EPHA3: variants seen among roughly 807,000 people sequenced by gnomAD.
The protein encoded by EPHA3 is EPH receptor A3.
Under a neutral mutation model 107.1 loss-of-function variants are expected in EPHA3, and 42 were observed. The observed-to-expected ratio is 0.39, with a 90% CI of 0.31 to 0.51. The LOEUF (loss-of-function observed/expected upper bound fraction) is 0.51, where lower values mean the gene tolerates loss of function less well. Ranked by LOEUF, EPHA3 falls within the 20% of genes least tolerant of loss-of-function variation. The probability of loss-of-function intolerance (pLI) is 0.78; values close to 1 mark genes in which losing one functional copy is unlikely to be tolerated. For missense variants in EPHA3, 1,183 were observed against 1,211.2 expected (o/e 0.98, Z 0.35); for synonymous variants, 461 against 424.8 (o/e 1.09, Z -1.05).
chr3:89,417,220 G>A (rs1424727876), intron 10 of EPHA3, among the ~76,000 whole-genome samples: 4 of 151,404 alleles, frequency 2.6e-5, no homozygotes, highest in African/African-American at 9.7e-5. Context: ...GAAAAGATAG[G>A]TACAGAGAGG....
intron 3 of EPHA3, among the ~76,000 whole-genome samples, chr3:89,266,274 A>C (rs1235348738): frequency 6.6e-6 from 1 of 152,180 alleles, no homozygotes; most frequent in East Asian, 1.9e-4. Flanking sequence ...ACAGTTACTA[A>C]GTGAAACAGA....
At chr3:89,209,284 G>A (rs1179604349) in intron 2 of EPHA3, among the ~76,000 whole-genome samples, 3 of 152,126 alleles carry the variant, frequency 2.0e-5, no homozygotes, top group Non-Finnish European at 4.4e-5. Context: ...GCTGTGGGGT[G>A]AGGAACATTT....
At chr3:89,384,705 G>T (rs566744768) in intron 5 of EPHA3, among the ~76,000 whole-genome samples, 13 of 152,152 alleles carry the variant, frequency 8.5e-5, no homozygotes, top group Non-Finnish European at 1.0e-4. Context: ...TTGAATTTCA[G>T]TTGTCTCATG....
At chr3:89,211,221 T>C (rs1704072268) in intron 3 of EPHA3, among the ~76,000 whole-genome samples, 1 of 152,068 alleles carries the variant, frequency 6.6e-6, no homozygotes, top group South Asian at 2.1e-4. Context: ...TAGAACTCTT[T>C]AATCAAATTA....
intron 11 of EPHA3, among the ~76,000 whole-genome samples, chr3:89,426,095 T>C (rs756420457): frequency 6.6e-6 from 1 of 151,722 alleles, no homozygotes; most frequent in Non-Finnish European, 1.5e-5. Context: ...TTGAGTTTAG[T>C]ATGTATACCC....
intron 15 of EPHA3, among the ~76,000 whole-genome samples, chr3:89,453,960 C>T (rs1359063293): frequency 6.6e-6 from 1 of 152,146 alleles, no homozygotes; most frequent in African/African-American, 2.4e-5. Flanking sequence ...CTCCCTCTCT[C>T]TCTTCTGCAT....
intron 15 of EPHA3, among the ~76,000 whole-genome samples, chr3:89,469,836 A>C (rs12496782): frequency 0.051 from 7,730 of 152,252 alleles, 239 homozygotes; most frequent in Middle Eastern, 0.13. Flanking sequence ...GGATAAATGC[A>C]TGTCGATATA....
At chr3:89,122,254 A>G (rs527443843) in intron 1 of EPHA3, among the ~76,000 whole-genome samples, 4 of 152,332 alleles carry the variant, frequency 2.6e-5, no homozygotes, top group Admixed American at 1.3e-4. Flanking sequence ...AGAAACTGTC[A>G]TTACTCTTTA....
At chr3:89,117,361 C>T (rs2106952247) in intron 1 of EPHA3, among the ~76,000 whole-genome samples, 1 of 152,160 alleles carries the variant, frequency 6.6e-6, no homozygotes, top group Non-Finnish European at 1.5e-5. Context: ...AAGGGGAACA[C>T]AGAGCAGCTT....
chr3:89,265,264 G>A (rs1705509713), intron 3 of EPHA3, among the ~76,000 whole-genome samples: 1 of 152,214 alleles, frequency 6.6e-6, no homozygotes, highest in East Asian at 1.9e-4. Flanking sequence ...ATAGAGCATA[G>A]CATTTATTTA....
chr3:89,332,209 T>C (rs1314811867), intron 3 of EPHA3, among the ~76,000 whole-genome samples: 2 of 152,132 alleles, frequency 1.3e-5, no homozygotes, highest in African/African-American at 4.8e-5. Context: ...TCCTTGAAAG[T>C]GGACAGCCAA....
At chr3:89,152,470 G>C (rs1413042245) in intron 2 of EPHA3, among the ~76,000 whole-genome samples, 1 of 151,932 alleles carries the variant, frequency 6.6e-6, no homozygotes, top group Non-Finnish European at 1.5e-5. Context: ...TTACTCATCT[G>C]TTGTTATGAG....
intron 3 of EPHA3, among the ~76,000 whole-genome samples, chr3:89,252,609 A>G (rs1410057791): frequency 1.3e-5 from 2 of 152,102 alleles, no homozygotes; most frequent in East Asian, 1.9e-4. Context: ...GCATGCCTGT[A>G]GTCCCAGCTA....
chr3:89,468,215 G>A (rs1268044611), intron 15 of EPHA3, among the ~76,000 whole-genome samples: 1 of 151,272 alleles, frequency 6.6e-6, no homozygotes. Context: ...ATACTTTGCA[G>A]GGCTAGTTAT....
Position 89,300,654 on chromosome 3 carries a change from C to T in EPHA3, c.815-40262C>T, listed in dbSNP as rs77501718. Among the ~76,000 whole-genome samples the T allele has an allele frequency of 2.3e-3, 353 of 152,148 alleles. 12 individuals are homozygous for T. In the East Asian group the frequency reaches 0.063, roughly 27 times the overall value. ...TTACTCAGGTAATAAGCTTTGGAGCCAGATTTCAGCCTTTGATGTCTGACT... is the reference window on the plus strand; with the variant it reads ...TTACTCAGGTAATAAGCTTTGGAGCTAGATTTCAGCCTTTGATGTCTGACT... On this transcript the variant is annotated intron_variant, in intron 3 of 16. Transcript: ENST00000336596.
chr3:89,180,765 A>G (rs1358914073), intron 2 of EPHA3, among the ~76,000 whole-genome samples: 2 of 151,956 alleles, frequency 1.3e-5, no homozygotes, highest in African/African-American at 4.8e-5. Flanking sequence ...GTTTCCATGA[A>G]ACTCTGAGGT....
Position 89,107,704 on chromosome 3 carries a change from G to A in EPHA3, c.-45G>A, listed in dbSNP as rs1235770725. ...GCGCTCCCCCTCACATCAGTGGCAT[G>A]CTTCATGGAGATATGCTCCTCTCAC... On this transcript the variant is annotated 5_prime_UTR_variant, in exon 1 of 17. An upstream start codon of the reference 5' UTR is lost. Coordinates refer to ENST00000336596, the MANE Select transcript of EPHA3 (RefSeq NM_005233.6). The A allele has an allele frequency of 1.9e-6, 3 of 1,556,382 alleles. No homozygotes were observed. The highest frequency in any genetic ancestry group is 2.7e-6 in the Non-Finnish European group (3 of 1,128,246).
At chr3:89,207,008 T>G (rs553616769) in intron 2 of EPHA3, among the ~76,000 whole-genome samples, 1 of 152,280 alleles carries the variant, frequency 6.6e-6, no homozygotes, top group African/African-American at 2.4e-5. Flanking sequence ...TTTTAGATCC[T>G]GAACGATCAA....
chr3:89,355,170 T>G (rs1707918182), intron 5 of EPHA3, among the ~76,000 whole-genome samples: 1 of 151,130 alleles, frequency 6.6e-6, no homozygotes, highest in African/African-American at 2.4e-5. Flanking sequence ...GAAATAGCTT[T>G]AAAGGCAAGG....
Sources: gnomAD v4.1 joint callset for allele counts (sites outside exome capture counted in the v4.1 genomes callset) on GRCh38, gnomAD v4.1.1 for gene constraint, MANE v1.5 for transcripts, NCBI Gene and HGNC (gene_info 2026-07-23, HGNC 2026-07-21) for gene names.